MTSS2: variants seen among roughly 807,000 people sequenced by gnomAD.
MTSS2 encodes the protein protein MTSS 2.
In MTSS2, 27 loss-of-function variants were observed where a neutral mutation model predicts 67.1. The ratio of observed to expected loss-of-function variants is 0.40; its 90% CI spans 0.30 to 0.55. MTSS2 has a LOEUF of 0.55. MTSS2 is among the 20% of genes least tolerant of loss of function. The pLI is 0.43. For synonymous variants in MTSS2, 624 were observed against 468.6 expected, an observed-to-expected ratio of 1.33 and a Z score of -4.28; for missense variants, 1,171 against 1,067.8, an observed-to-expected ratio of 1.10 and a Z score of -1.35.
Position 70,663,818 on chromosome 16 carries a change from G to T in MTSS2, c.2103C>A (p.Ala701=). ...GQFPFPTALS[A]TPTEETPTPP... ...GGGTGGGCGTCTCCTCCGTGGGGGT[G>T]GCCGACAGAGCAGTGGGGAAGGGGA... Residue 701 remains alanine, a synonymous_variant, in exon 15 of 15, where the codon GCC becomes GCA. Transcript: ENST00000338779. 1 of 1,533,228 alleles carries T rather than the reference G, an allele frequency of 6.5e-7. No homozygotes were observed. The highest frequency in any genetic ancestry group is 8.8e-7 in the Non-Finnish European group (1 of 1,142,852). The allele number at this position is 1,533,228 out of a possible 1,614,324, so 95.0% of individuals were successfully genotyped here.
At chr16:70,680,745 C>T (rs780871339) in intron 3 of MTSS2, 49 bp downstream of exon 3, 3 of 1,516,014 alleles carry the variant, frequency 2.0e-6, no homozygotes, top group Admixed American at 2.0e-5. Flanking sequence ...TTTCCAGCCT[C>T]CAGGCCCACC....
chr16:70,664,522 G>C (rs1289780799), intron 14 of MTSS2, 73 bp from the exon 15 acceptor site: 1 of 1,573,148 alleles, frequency 6.4e-7, no homozygotes, highest in Non-Finnish European at 8.6e-7. Context: ...GGTGAGCACA[G>C]AGGGGGAAGG....
intron 2 of MTSS2, 46 bp downstream of exon 2, chr16:70,680,918 G>GGGGGGGGGGGGGGGGGGGGGGGGGGCC: frequency 1.8e-6 from 2 of 1,097,930 alleles, no homozygotes; most frequent in Non-Finnish European, 2.7e-6. Context: ...CGGGGGGGGG[G>GGGGGGGGGGGGGGGGGGGGGGGGGGCC]CCTCTGCCTG....
rs1215279321 is a variant in MTSS2 at position 70,685,867 on chromosome 16, C to A, written c.-76G>T. ...AGCAGCGCAAGGGAGGGGGCCAGGCCGCGCGGGCGCTCGCTCCGAGGCCGG... is the reference window on the plus strand; with the variant it reads ...AGCAGCGCAAGGGAGGGGGCCAGGCAGCGCGGGCGCTCGCTCCGAGGCCGG... On this transcript the variant is annotated 5_prime_UTR_variant, in exon 1 of 15. Coordinates refer to ENST00000338779, the MANE Select transcript of MTSS2 (RefSeq NM_138383.3). The A allele has an allele frequency of 2.3e-6, 2 of 862,594 alleles. No homozygotes were observed. The highest frequency in any genetic ancestry group is 2.8e-6 in the Non-Finnish European group (2 of 709,042). The allele number at this position is 862,594 out of a possible 1,614,324, so 53.4% of individuals were successfully genotyped here.
At position 70,663,464 on chromosome 16, in the gene MTSS2, A is replaced by AGGCCTGCAGGCTCCGTCCT. The variant is rs897809894; in HGVS notation, c.*194_*212dup. ...ATAAAACAGACCCCGAACCAGGCCC[A>AGGCCTGCAGGCTCCGTCCT]GGCCTGCAGGCTCCGTCCTGGCCAG... is the stretch of plus-strand genomic sequence containing the variant. On this transcript the variant is annotated 3_prime_UTR_variant, in exon 15 of 15. Transcript: ENST00000338779. The AGGCCTGCAGGCTCCGTCCT allele has an allele frequency of 2.5e-5, 22 of 880,800 alleles. No homozygotes were observed. The highest frequency in any genetic ancestry group is 3.6e-5 in the Non-Finnish European group (22 of 609,442). 54.6% of individuals were successfully genotyped at this position (880,800 alleles called of 1,614,324 possible).
chr16:70,679,132 C>T (rs2053215004), intron 7 of MTSS2, among the ~76,000 whole-genome samples, 183 bp downstream of exon 7: 1 of 152,066 alleles, frequency 6.6e-6, no homozygotes, highest in Non-Finnish European at 1.5e-5. Flanking sequence ...CGGGACTCAT[C>T]CCTGGCCAGG....
rs1011252160 is a variant in MTSS2, at chr16:70,685,860, G to A, written c.-69C>T. The stretch of plus-strand genomic sequence containing the variant: ...CGCGGGGAGCAGCGCAAGGGAGGGG[G>A]CCAGGCCGCGCGGGCGCTCGCTCCG... On this transcript the variant is annotated 5_prime_UTR_variant, in exon 1 of 15. Transcript: ENST00000338779. 39 of 922,412 alleles carry A rather than the reference G, an allele frequency of 4.2e-5. No homozygotes were observed. The highest frequency in any genetic ancestry group is 4.7e-5 in the Non-Finnish European group (36 of 759,764). 57.1% of individuals were successfully genotyped at this position (922,412 alleles called of 1,614,324 possible). A position where few individuals can be genotyped will look rare whatever the true frequency, so the allele number is the denominator to read the frequency against.
At chr16:70,677,681 T>C (rs1455811053) in intron 9 of MTSS2, 111 bp downstream of exon 9, 2 of 816,798 alleles carry the variant, frequency 2.4e-6, no homozygotes, top group African/African-American at 3.4e-5. Context: ...CTTATGCCCC[T>C]AGCTGCCTCC....
Position 70,662,365 on chromosome 16 carries a change from T to C in MTSS2, c.*1312A>G, listed in dbSNP as rs190245787. 2,029 of 152,400 alleles carry C rather than the reference T, an allele frequency of 0.013. 19 individuals are homozygous for C. The highest frequency in any genetic ancestry group is 0.027 in the African/African-American group (1,104 of 41,532). 9.4% of individuals were successfully genotyped at this position (152,400 alleles called of 1,614,324 possible). A position where few individuals can be genotyped will look rare whatever the true frequency, so the allele number is the denominator to read the frequency against. On this transcript the variant is annotated 3_prime_UTR_variant, in exon 15 of 15. Coordinates refer to ENST00000338779, the MANE Select transcript of MTSS2 (RefSeq NM_138383.3). ...TTTACCTGCTGAGACTTGGCGTGAC[T>C]TGGTGCGTGGGGTGGGGGCAGCCTT...
intron 3 of MTSS2, 83 bp downstream of exon 3, chr16:70,680,711 C>A (rs2053275655): frequency 1.6e-6 from 2 of 1,274,978 alleles, no homozygotes; most frequent in Non-Finnish European, 2.2e-6. Context: ...CCCGTCCTTT[C>A]CCTGGCCCAT....
In MTSS2 at chr16:70,674,314, T is replaced by A. The variant is rs763152528; in HGVS notation, c.1045A>T (p.Thr349Ser). 1.9e-6 allele frequency: 3 copies of A among 1,613,328 alleles called. No individual in the cohort carries two copies. Among genetic ancestry groups the A allele is most frequent in the Admixed American group, 1.7e-5 (1 of 59,974 alleles). Reference protein sequence around the residue: ...KPPSPMPSDITSQKSSSSASS... With the variant: ...KPPSPMPSDISSQKSSSSASS... ...TCCTAACGCCCCCTCACCTGGCTGG[T>A]GATGTCTGAAGGCATAGGCGAGGGG... The change falls in exon 11 of 15, where the codon ACC becomes TCC. Residue 349 changes from threonine (T) to serine (S), a missense_variant. Thr to Ser is a moderately conservative substitution (Grantham distance 58). This residue lies in a region of MTSS2 where 924 missense variants were observed against 756.0 expected (regional missense o/e 1.22). Transcript: ENST00000338779.
chr16:70,667,006 T>C (rs192205186), intron 11 of MTSS2, among the ~76,000 whole-genome samples: 1 of 152,286 alleles, frequency 6.6e-6, no homozygotes, highest in African/African-American at 2.4e-5. Context: ...CCAAGTGTGG[T>C]GGCTCACACC....
chr16:70,680,918 G>GGGGGCCCCC, intron 2 of MTSS2, 46 bp downstream of exon 2: 1 of 1,097,804 alleles, frequency 9.1e-7, no homozygotes. Context: ...CGGGGGGGGG[G>GGGGGCCCCC]CCTCTGCCTG....
intron 11 of MTSS2, among the ~76,000 whole-genome samples, chr16:70,671,207 G>C (rs959297252): frequency 2.6e-5 from 4 of 151,846 alleles, no homozygotes; most frequent in Admixed American, 2.0e-4. Flanking sequence ...TTGAGATTAG[G>C]AGTGATCCAA....
intron 9 of MTSS2, 56 bp from the exon 10 acceptor site, chr16:70,677,034 C>A: frequency 7.5e-7 from 1 of 1,332,110 alleles, no homozygotes. Flanking sequence ...GCTAGTAGGG[C>A]CAGAGGCCCC....
chr16:70,682,011 A>G (rs2053318294), intron 1 of MTSS2, among the ~76,000 whole-genome samples: 1 of 152,080 alleles, frequency 6.6e-6, no homozygotes, highest in South Asian at 2.1e-4. Context: ...AGGAAAGGGG[A>G]ATGCGGAGAC....
At position 70,663,744 on chromosome 16, in the gene MTSS2, G is replaced by A; in HGVS notation, c.2177C>T (p.Ala726Val). Residue 726 changes from alanine to valine, a missense_variant, in exon 15 of 15, where the codon GCC becomes GTC. Coordinates refer to ENST00000338779, the MANE Select transcript of MTSS2 (RefSeq NM_138383.3). ...GCGGAGCCGGACCCCACGCCGGATGGCCACCAGCATGTCTTCGGCCGGGGG... is the reference window on the plus strand; with the variant it reads ...GCGGAGCCGGACCCCACGCCGGATGACCACCAGCATGTCTTCGGCCGGGGG... ...SDPPAEDMLVAIRRGVRLRRT... is the reference protein window; with the variant it reads ...SDPPAEDMLVVIRRGVRLRRT... The A allele has an allele frequency of 1.3e-6, 2 of 1,573,168 alleles. No homozygotes were observed. The highest frequency in any genetic ancestry group is 1.7e-6 in the Non-Finnish European group (2 of 1,162,382).
intron 11 of MTSS2, among the ~76,000 whole-genome samples, chr16:70,670,544 G>C (rs534369435): frequency 6.6e-6 from 1 of 152,268 alleles, no homozygotes; most frequent in East Asian, 1.9e-4. Context: ...TCACACAATA[G>C]AATGCCATAT....
intron 11 of MTSS2, among the ~76,000 whole-genome samples, chr16:70,671,759 G>A (rs548553796): frequency 2.6e-5 from 4 of 152,132 alleles, no homozygotes; most frequent in Non-Finnish European, 4.4e-5. Flanking sequence ...CTTGGCACAC[G>A]CCACCTTAAC....
Sources: gnomAD v4.1 joint callset for allele counts (sites outside exome capture counted in the v4.1 genomes callset) on GRCh38, gnomAD v4.1.1 for gene constraint, gnomAD v4.1.1 regional missense constraint, MANE v1.5 for transcripts, NCBI Gene and HGNC (gene_info 2026-07-23, HGNC 2026-07-21) for gene names.